RBCK1: variants seen among roughly 807,000 people sequenced by gnomAD.
The protein encoded by RBCK1 is ranBP-type and C3HC4-type zinc finger-containing protein 1.
A neutral mutation model predicts 71.1 loss-of-function variants in RBCK1; 44 were observed. That is an observed-to-expected ratio of 0.62 (90% CI 0.49 to 0.80). The LOEUF (loss-of-function observed/expected upper bound fraction) is 0.80. Ranked by LOEUF, RBCK1 falls within the 30% of genes least tolerant of loss-of-function variation. The pLI is 0.00. For synonymous variants in RBCK1, 306 were observed against 279.7 expected (o/e 1.09, Z -0.94); for missense variants, 569 against 685.0 (o/e 0.83, Z 1.89).
Position 430,254 on chromosome 20 carries a change from C to A in RBCK1, c.1453-96C>A, listed in dbSNP as rs41279374. Reference sequence around the variant, plus strand: ...TGACCAGGCCATTCTTGCAGGAGGACCTGCAGAGGCAAAGGCCCGGGGTGG... The same window carrying A: ...TGACCAGGCCATTCTTGCAGGAGGAACTGCAGAGGCAAAGGCCCGGGGTGG... On this transcript the variant is annotated intron_variant, in intron 11 of 11. Transcript: ENST00000356286. The surrounding 1 kb of genome is among the most constrained non-coding windows in gnomAD (Gnocchi z 5.6). The A allele has an allele frequency of 4.3e-4, 477 of 1,100,458 alleles. 1 individual carries two copies. The highest frequency in any genetic ancestry group is 6.4e-4 in the Middle Eastern group (3 of 4,656). 68.2% of individuals were successfully genotyped at this position (1,100,458 alleles called of 1,614,324 possible). A position where few individuals can be genotyped will look rare whatever the true frequency, so the allele number is the denominator to read the frequency against.
chr20:411,755 C>G (rs1008917151), intron 2 of RBCK1, among the ~76,000 whole-genome samples: 2 of 152,028 alleles, frequency 1.3e-5, no homozygotes. Flanking sequence ...AAGCAGTCTT[C>G]CCACCTCAGC....
Position 428,508 on chromosome 20 carries a change from G to C in RBCK1, c.1227G>C (p.Met409Ile). 1.2e-6 allele frequency: 2 copies of C among 1,610,284 alleles called. No homozygotes were observed. Among genetic ancestry groups the C allele is most frequent in the Non-Finnish European group, 8.5e-7 (1 of 1,178,480 alleles). Reference protein sequence around the residue: ...CLLCKAIHEQMNCKEYQEDLA... With the variant: ...CLLCKAIHEQINCKEYQEDLA... The stretch of plus-strand genomic sequence containing the variant: ...CGCTACAGGCCATCCATGAGCAGAT[G>C]AACTGCAAGGAGTATCAGGAGGACC... The change falls in exon 10 of 12, where the codon ATG (methionine) becomes ATC (isoleucine). Residue 409 changes from methionine (M) to isoleucine (I), a missense_variant. Physicochemically the swap from Met to Ile is conservative, Grantham distance 10. Coordinates refer to ENST00000356286, the MANE Select transcript of RBCK1 (RefSeq NM_031229.4). This position sits in a 1 kb window ranked among gnomAD's most constrained non-coding sequence, Gnocchi z 5.7.
intron 6 of RBCK1, 22 bp downstream of exon 6, chr20:419,753 C>T (rs2016263789): frequency 1.3e-6 from 2 of 1,535,502 alleles, no homozygotes; most frequent in South Asian, 1.2e-5. Context: ...AGTCCCTGGA[C>T]AGACACCTGC....
chr20:425,529 T>G (rs748296986), intron 8 of RBCK1, among the ~76,000 whole-genome samples: 4 of 152,240 alleles, frequency 2.6e-5, no homozygotes, highest in Non-Finnish European at 4.4e-5. Flanking sequence ...TTCTAAAGAT[T>G]ATTACAAATC....
At chr20:423,705 G>A (rs6107302) in intron 8 of RBCK1, among the ~76,000 whole-genome samples, 92,501 of 152,004 alleles carry the variant, frequency 0.61, 29,163 homozygotes, top group Non-Finnish European at 0.69. Flanking sequence ...ATCTGCAGGG[G>A]TCTTGGAACC....
At chr20:414,553 GGAT>G (rs2015886543) in intron 2 of RBCK1, among the ~76,000 whole-genome samples, 2 of 152,292 alleles carry the variant, frequency 1.3e-5, no homozygotes, top group South Asian at 4.1e-4. Context: ...ATGTCACATT[GGAT>G]GAGAGAGCTC....
intron 6 of RBCK1, chr20:420,526 G>A (rs1338595421): frequency 3.1e-6 from 3 of 981,982 alleles, no homozygotes; most frequent in Non-Finnish European, 3.6e-6. Flanking sequence ...CTCAGACCCC[G>A]GCCCCCTTCC....
rs766841580 is a variant in RBCK1 at position 419,368 on chromosome 20, C to T, written c.482C>T (p.Thr161Met). ...ACAGATCTGGGCTTCAAGGACCTCA[C>T]GCTGCAGCCGCGGGGCCCTCTGGAG... ...MLEDLGFKDL[T>M]LQPRGPLEPG... The change falls in exon 5 of 12, where the codon ACG (threonine) becomes ATG (methionine). Residue 161 changes from threonine to methionine, a missense_variant. By Grantham distance (81) the Thr-to-Met change is moderately conservative. This residue lies in a region of RBCK1 where 358 missense variants were observed against 375.6 expected (regional missense o/e 0.95). Coordinates refer to ENST00000356286, the MANE Select transcript of RBCK1 (RefSeq NM_031229.4). 16 of 1,612,234 alleles carry T rather than the reference C, an allele frequency of 9.9e-6. No homozygotes were observed. The highest frequency in any genetic ancestry group is 3.3e-5 in the Admixed American group (2 of 59,978).
At position 428,419 on chromosome 20, in the gene RBCK1, C is replaced by T. The variant is rs1036970432; in HGVS notation, c.1210-72C>T. 1.8e-6 allele frequency: 2 copies of T among 1,137,838 alleles called. No homozygotes were observed. Among genetic ancestry groups the T allele is most frequent in the African/African-American group, 3.1e-5 (2 of 63,790 alleles). 70.5% of individuals were successfully genotyped at this position (1,137,838 alleles called of 1,614,324 possible). ...TTAAGTGCCTTTGTGGACTCCTGCC[C>T]TGCACCTCACCTCTCCCAGCTTCTT... On this transcript the variant is annotated intron_variant, in intron 9 of 11. Transcript: ENST00000356286. This position sits in a 1 kb window ranked among gnomAD's most constrained non-coding sequence, Gnocchi z 5.7.
In RBCK1 at chr20:420,594, C is replaced by A. The variant is rs951465706; in HGVS notation, c.757-277C>A. 620 of 979,302 alleles carry A rather than the reference C, an allele frequency of 6.3e-4. 5 individuals are homozygous for A. In the African/African-American group the frequency reaches 0.01, roughly 17 times the overall value. The allele number at this position is 979,302 out of a possible 1,614,324, so 60.7% of individuals were successfully genotyped here. Reference sequence around the variant, plus strand: ...CCTTCCGTGGCTACCTGGCCGGCCTCCCCTCCCTTGGCTTCCCCACCTCCA... The same window carrying A: ...CCTTCCGTGGCTACCTGGCCGGCCTACCCTCCCTTGGCTTCCCCACCTCCA... On this transcript the variant is annotated intron_variant, in intron 6 of 11. Transcript: ENST00000356286.
rs2016500283 is a variant in RBCK1, at chr20:422,512, AG to A, written c.1029+276del. On this transcript the variant is annotated intron_variant, in intron 8 of 11. Transcript: ENST00000356286. The surrounding 1 kb of genome is among the most constrained non-coding windows in gnomAD (Gnocchi z 5.0). ...GCTAGTCAAGAAACCACATCTATGA[AG>A]GAAGGACAGCAGAGTTGTTAAGAAT... Among the ~76,000 whole-genome samples the A allele has an allele frequency of 7.8e-6, 1 of 127,944 alleles. No individual in the cohort carries two copies. The highest frequency in any genetic ancestry group is 1.7e-5 in the Non-Finnish European group (1 of 60,270). 83.9% of individuals were successfully genotyped at this position (127,944 alleles called of 152,430 possible).
Position 420,956 on chromosome 20 carries a change from A to G in RBCK1, c.842A>G (p.Glu281Gly). ...RSLVLNTEPA[E>G]CPVCYSVLAP... ...CTGGTGCTGAACACGGAGCCCGCCG[A>G]GTGCCCCGTGTGCTACTCGGTGCTG... Residue 281 changes from glutamate (E) to glycine (G), a missense_variant, in exon 7 of 12, where the codon GAG (glutamate) becomes GGG (glycine). Around this residue, in one of 2 missense-constraint regions of RBCK1, gnomAD observed 358 missense variants for 375.6 expected, o/e 0.95. Transcript: ENST00000356286. 7 of 1,558,134 alleles carry G rather than the reference A, an allele frequency of 4.5e-6. No individual in the cohort carries two copies. Among genetic ancestry groups the G allele is most frequent in the Non-Finnish European group, 6.1e-6 (7 of 1,152,492 alleles).
At chr20:415,324 T>C (rs1282291677) in intron 2 of RBCK1, among the ~76,000 whole-genome samples, 1 of 152,022 alleles carries the variant, frequency 6.6e-6, no homozygotes, top group Non-Finnish European at 1.5e-5. Context: ...GCCAAGATCA[T>C]GCCACTACAC....
chr20:420,264 C>T (rs1009367790), intron 6 of RBCK1: 48 of 984,916 alleles, frequency 4.9e-5, no homozygotes, highest in Non-Finnish European at 5.5e-5. Context: ...CCCCCGACCC[C>T]GGTCCTACGC....
chr20:429,046 C>T lies in RBCK1; in HGVS notation c.1404C>T (p.Cys468=). ...DGCDWIRCTV[C]HTEICWVTKG... is the part of the protein sequence containing the mutation. The stretch of plus-strand genomic sequence containing the variant: ...GCGACTGGATCCGCTGCACCGTCTG[C>T]CACACCGAGATCTGCTGGGTCACCA... Residue 468 remains cysteine, a synonymous_variant, in exon 11 of 12, where the codon TGC becomes TGT. Transcript: ENST00000356286. 6.2e-7 allele frequency: 1 copy of T among 1,612,724 alleles called. No homozygotes were observed. Among genetic ancestry groups the T allele is most frequent in the Non-Finnish European group, 8.5e-7 (1 of 1,179,866 alleles).
Position 428,664 on chromosome 20 carries a change from A to G in RBCK1, c.1308+75A>G, listed in dbSNP as rs981948245. 4.1e-6 allele frequency: 6 copies of G among 1,460,466 alleles called. No individual in the cohort carries two copies. In the African/African-American group the frequency reaches 7.1e-5, roughly 17 times the overall value. 90.5% of individuals were successfully genotyped at this position (1,460,466 alleles called of 1,614,324 possible). A position where few individuals can be genotyped will look rare whatever the true frequency, so the allele number is the denominator to read the frequency against. ...AGGTGGGGGCTGGGGGCTTCCCAGTAAGGGCTGTGCTCACACATCCCTGGA... is the reference window on the plus strand; with the variant it reads ...AGGTGGGGGCTGGGGGCTTCCCAGTGAGGGCTGTGCTCACACATCCCTGGA... On this transcript the variant is annotated intron_variant, in intron 10 of 11. Transcript: ENST00000356286. This position sits in a 1 kb window ranked among gnomAD's most constrained non-coding sequence, Gnocchi z 5.7.
Position 428,839 on chromosome 20 carries a change from A to G in RBCK1, c.1309-112A>G, listed in dbSNP as rs745861091. The G allele has an allele frequency of 4.1e-6, 6 of 1,446,930 alleles. No homozygotes were observed. The East Asian group carries it at 1.5e-4, about 36-fold the overall frequency. The allele number at this position is 1,446,930 out of a possible 1,614,324, so 89.6% of individuals were successfully genotyped here. On this transcript the variant is annotated intron_variant, in intron 10 of 11. Coordinates refer to ENST00000356286, the MANE Select transcript of RBCK1 (RefSeq NM_031229.4). The surrounding 1 kb of genome is among the most constrained non-coding windows in gnomAD (Gnocchi z 5.7). ...GGAGCCTGGCCTGGCAGAGCCACAC[A>G]GGAGAGACTCCACAGCTCTAGAGGG...
chr20:409,725 G>C, intron 1 of RBCK1, 156 bp from the exon 2 acceptor site: 1 of 1,159,950 alleles, frequency 8.6e-7, no homozygotes, highest in Non-Finnish European at 1.2e-6. Context: ...CCCGGAGAAA[G>C]GGACTTTTAG....
At chr20:423,684 T>C (rs1055436981) in intron 8 of RBCK1, among the ~76,000 whole-genome samples, 2 of 152,204 alleles carry the variant, frequency 1.3e-5, no homozygotes, top group Admixed American at 1.3e-4. Flanking sequence ...TGAGCATCCA[T>C]GGATTTGGGT....
Sources: gnomAD v4.1 joint callset for allele counts (sites outside exome capture counted in the v4.1 genomes callset) on GRCh38, gnomAD v4.1.1 for gene constraint, gnomAD v4.1.1 regional missense constraint, Gnocchi (gnomAD v3.1) non-coding constraint, MANE v1.5 for transcripts, NCBI Gene and HGNC (gene_info 2026-07-23, HGNC 2026-07-21) for gene names.